MCPH1: variants seen among roughly 807,000 people sequenced by gnomAD.
MCPH1 encodes the protein microcephalin 1, also known as microcephalin.
A neutral mutation model predicts 84.5 loss-of-function variants in MCPH1; 104 were observed. That is an observed-to-expected ratio of 1.23 (90% CI 1.05 to 1.45). The LOEUF (loss-of-function observed/expected upper bound fraction) is 1.45. MCPH1 is among the 40% of genes most tolerant of loss of function. The probability of loss-of-function intolerance (pLI) is 0.00; values close to 1 mark genes in which losing one functional copy is unlikely to be tolerated. For synonymous variants in MCPH1, 514 were observed against 366.8 expected (o/e 1.40, Z -4.58); for missense variants, 1,498 against 1,005.7 (o/e 1.49, Z -6.62).
At chr8:6,456,770 G>C (rs1805723363) in intron 9 of MCPH1, among the ~76,000 whole-genome samples, 1 of 151,586 alleles carries the variant, frequency 6.6e-6, no homozygotes, top group African/African-American at 2.4e-5. Flanking sequence ...TTTCTCATTT[G>C]CCCACAGTGG....
chr8:6,512,794 T>C (rs1049031700), intron 12 of MCPH1, among the ~76,000 whole-genome samples: 4 of 152,218 alleles, frequency 2.6e-5, no homozygotes, highest in Admixed American at 6.5e-5. Context: ...CTTATGATTA[T>C]TGCTACCAAA....
At chr8:6,435,999 C>G in intron 4 of MCPH1, 49 bp from the exon 5 acceptor site, 1 of 1,606,090 alleles carries the variant, frequency 6.2e-7, no homozygotes, top group Non-Finnish European at 8.5e-7. Flanking sequence ...TTTTCTCCTG[C>G]CTTAAGCAGT....
At chr8:6,483,045 A>T (rs1421885674) in intron 11 of MCPH1, among the ~76,000 whole-genome samples, 2 of 152,236 alleles carry the variant, frequency 1.3e-5, no homozygotes, top group South Asian at 2.1e-4. Context: ...CAAAACAGCA[A>T]TTAGAGGTGA....
intron 9 of MCPH1, among the ~76,000 whole-genome samples, chr8:6,466,287 C>G (rs1306545233): frequency 6.6e-6 from 1 of 151,718 alleles, no homozygotes; most frequent in Non-Finnish European, 1.5e-5. Flanking sequence ...GAGGCACGTT[C>G]CATCACGCCT....
chr8:6,419,824 G>A lies in MCPH1; in HGVS notation c.233+4941G>A, dbSNP rs777270458. Among the ~76,000 whole-genome samples, 12 of 152,072 alleles carry A rather than the reference G, an allele frequency of 7.9e-5. 1 individual carries two copies. Among genetic ancestry groups the A allele is most frequent in the Non-Finnish European group, 1.8e-4 (12 of 68,000 alleles). ...GATAATATTTGATTCAAGTTCAAGG[G>A]TTTTGTTATATTCTTCAGTTTTGTG... On this transcript the variant is annotated intron_variant, in intron 3 of 13. Coordinates refer to ENST00000344683, the MANE Select transcript of MCPH1 (RefSeq NM_024596.5).
rs745702205 is a variant in MCPH1 at position 6,414,793 on chromosome 8, C to G, written c.143C>G (p.Thr48Ser). Reference sequence around the variant, plus strand: ...TCAAAAACTTTTAACAAACAAGTAACTCACGTTATCTTCAAAGATGGCTAC... The same window carrying G: ...TCAAAAACTTTTAACAAACAAGTAAGTCACGTTATCTTCAAAGATGGCTAC... ...KVSKTFNKQV[T>S]HVIFKDGYQS... The change falls in exon 3 of 14, where the codon ACT (threonine) becomes AGT (serine). Residue 48 changes from threonine to serine, a missense_variant. Coordinates refer to ENST00000344683, the MANE Select transcript of MCPH1 (RefSeq NM_024596.5). The G allele has an allele frequency of 4.3e-6, 7 of 1,613,832 alleles. No homozygotes were observed. Among genetic ancestry groups the G allele is most frequent in the South Asian group, 2.2e-5 (2 of 91,044 alleles).
At chr8:6,607,964 G>A (rs1011189275) in intron 12 of MCPH1, among the ~76,000 whole-genome samples, 1 of 152,196 alleles carries the variant, frequency 6.6e-6, no homozygotes, top group African/African-American at 2.4e-5. Flanking sequence ...CCAAGAAGTG[G>A]GTGGAGCTGG....
At chr8:6,437,621 G>A (rs1217156282) in intron 5 of MCPH1, among the ~76,000 whole-genome samples, 1 of 152,150 alleles carries the variant, frequency 6.6e-6, no homozygotes. Flanking sequence ...CAGAAACATG[G>A]CCTGCATCAT....
rs375412908 is a variant in MCPH1 at position 6,476,702 on chromosome 8, G to T, written c.1936-892G>T. ...ATGTCTGTCATTTTCGTCAACCCTG[G>T]GGTCCTTCAAATGCCTTTTGTTCCT... is the stretch of plus-strand genomic sequence containing the variant. On this transcript the variant is annotated intron_variant, in intron 9 of 13. Coordinates refer to ENST00000344683, the MANE Select transcript of MCPH1 (RefSeq NM_024596.5). Among the ~76,000 whole-genome samples, 7 of 152,180 alleles carry T rather than the reference G, an allele frequency of 4.6e-5. No individual in the cohort carries two copies. The East Asian group carries it at 9.7e-4, about 21-fold the overall frequency.
chr8:6,470,774 C>T (rs144388426), intron 9 of MCPH1, among the ~76,000 whole-genome samples: 54 of 152,324 alleles, frequency 3.5e-4, no homozygotes, highest in African/African-American at 1.2e-3. Context: ...TTTGTGGTTG[C>T]TTTATTATTC....
intron 12 of MCPH1, among the ~76,000 whole-genome samples, chr8:6,566,238 C>T (rs1297153960): frequency 6.6e-6 from 1 of 152,178 alleles, no homozygotes; most frequent in Non-Finnish European, 1.5e-5. Flanking sequence ...TGTTAGAAAC[C>T]GGGCCTGGAC....
At chr8:6,455,375 G>A (rs757024430) in intron 9 of MCPH1, 123 bp downstream of exon 9, 2 of 733,276 alleles carry the variant, frequency 2.7e-6, no homozygotes, top group South Asian at 1.6e-5. Flanking sequence ...AATTGATTAT[G>A]GGTAAATGCT....
chr8:6,636,526 C>T (rs565518852), intron 13 of MCPH1, among the ~76,000 whole-genome samples: 7 of 152,232 alleles, frequency 4.6e-5, no homozygotes, highest in African/African-American at 1.7e-4. Context: ...GTTGCCCAGG[C>T]TGGTGTACAG....
At position 6,644,925 on chromosome 8, in the gene MCPH1, T is replaced by C. The variant is rs1424585115; in HGVS notation, c.*1876T>C. 6.6e-6 allele frequency: 1 copy of C among 152,214 alleles called. No homozygotes were observed. The highest frequency in any genetic ancestry group is 1.5e-5 in the Non-Finnish European group (1 of 68,044). 9.4% of individuals were successfully genotyped at this position (152,214 alleles called of 1,614,324 possible). A position where few individuals can be genotyped will look rare whatever the true frequency, so the allele number is the denominator to read the frequency against. On this transcript the variant is annotated 3_prime_UTR_variant, in exon 14 of 14. Transcript: ENST00000344683. Reference sequence around the variant, plus strand: ...GGGTTGTCTCTTGGTTTTAAAATAATGTATACACCTAAATCATCCCCTTAT... The same window carrying C: ...GGGTTGTCTCTTGGTTTTAAAATAACGTATACACCTAAATCATCCCCTTAT...
chr8:6,439,445 C>T (rs1803174606), intron 6 of MCPH1, among the ~76,000 whole-genome samples: 1 of 148,240 alleles, frequency 6.7e-6, no homozygotes, highest in African/African-American at 2.5e-5. Context: ...GGCTGGAGTG[C>T]AGTGGCGCGA....
chr8:6,608,822 G>T (rs1830001631), intron 12 of MCPH1, among the ~76,000 whole-genome samples: 1 of 152,210 alleles, frequency 6.6e-6, no homozygotes, highest in African/African-American at 2.4e-5. Flanking sequence ...CAGCCCATTA[G>T]CTTCACCTAG....
intron 1 of MCPH1, among the ~76,000 whole-genome samples, chr8:6,408,108 C>T (rs548151433): frequency 6.6e-4 from 101 of 152,264 alleles, no homozygotes; most frequent in African/African-American, 2.2e-3. Flanking sequence ...AAAAATTAAG[C>T]GTAAGAATTT....
chr8:6,414,616 ATGTT>A, intron 2 of MCPH1, 145 bp from the exon 3 acceptor site: 1 of 711,926 alleles, frequency 1.4e-6, no homozygotes, highest in Non-Finnish European at 2.2e-6. Flanking sequence ...TGGAACAGAT[ATGTT>A]TTAAGCAGCG....
chr8:6,413,529 G>A (rs1323776065), intron 2 of MCPH1, among the ~76,000 whole-genome samples: 1 of 151,510 alleles, frequency 6.6e-6, no homozygotes, highest in Non-Finnish European at 1.5e-5. Context: ...TCTGTTGATT[G>A]GCTGTTGGAT....
Sources: gnomAD v4.1 joint callset for allele counts (sites outside exome capture counted in the v4.1 genomes callset) on GRCh38, gnomAD v4.1.1 for gene constraint, MANE v1.5 for transcripts, NCBI Gene and HGNC (gene_info 2026-07-23, HGNC 2026-07-21) for gene names.